The following WDR26 variants were observed in gnomAD, a reference collection of about 807,000 sequenced individuals.
WDR26 encodes the protein WD repeat domain 26, also known as WD repeat-containing protein 26.
A neutral mutation model predicts 84.1 loss-of-function variants in WDR26; 5 were observed. The ratio of observed to expected loss-of-function variants is 0.06; its 90% CI spans 0.03 to 0.13. The LOEUF (loss-of-function observed/expected upper bound fraction) is 0.13, where lower values mean the gene tolerates loss of function less well. Ranked by LOEUF, WDR26 falls within the 10% of genes least tolerant of loss-of-function variation. The pLI is 1.00. For synonymous variants in WDR26, 415 were observed against 389.6 expected (o/e 1.07, Z -0.77); for missense variants, 642 against 974.9 (o/e 0.66, Z 4.55).
At chr1:224,424,428 A>C in intron 4 of WDR26, 90 bp downstream of exon 4, 1 of 1,507,636 alleles carries the variant, frequency 6.6e-7, no homozygotes, top group East Asian at 2.3e-5. Flanking sequence ...AGAATTTAGC[A>C]ATAATCAAGA....
chr1:224,396,222 G>A (rs1389240085), intron 12 of WDR26, among the ~76,000 whole-genome samples: 1 of 152,074 alleles, frequency 6.6e-6, no homozygotes. Context: ...AGTATTCATC[G>A]TTGTTTCTAA....
chr1:224,424,452 A>G, intron 4 of WDR26, 66 bp downstream of exon 4: 2 of 1,568,968 alleles, frequency 1.3e-6, no homozygotes, highest in East Asian at 2.2e-5. Flanking sequence ...TATATTTTGG[A>G]AAAATGTTAA....
rs568623596 is a variant in WDR26 at position 224,424,291 on chromosome 1, C to T, written c.1064+227G>A. On this transcript the variant is annotated intron_variant, in intron 4 of 13. Coordinates refer to ENST00000414423, the MANE Select transcript of WDR26 (RefSeq NM_001379403.1). ...TAGAACATTCTAAAATAGCATTTCA[C>T]AGGCAATACATATTTTCTTCTCCCT... is the stretch of plus-strand genomic sequence containing the variant. Among the ~76,000 whole-genome samples, 56 of 152,292 alleles carry T rather than the reference C, an allele frequency of 3.7e-4. No individual in the cohort carries two copies. The South Asian group carries it at 5.6e-3, about 15-fold the overall frequency.
In WDR26 at chr1:224,389,697, C is replaced by A; in HGVS notation, c.*138G>T. 1.1e-6 allele frequency: 1 copy of A among 883,592 alleles called. No individual in the cohort carries two copies. Among genetic ancestry groups the A allele is most frequent in the Non-Finnish European group, 1.8e-6 (1 of 546,738 alleles). 54.7% of individuals were successfully genotyped at this position (883,592 alleles called of 1,614,324 possible). ...CAAGGTGTAAATGTTTGGCCCCAAT[C>A]GGGCTTCAGAAATGGTTCTTTTTTC... On this transcript the variant is annotated 3_prime_UTR_variant, in exon 14 of 14. Transcript: ENST00000414423.
At chr1:224,427,290 T>A (rs79819249) in intron 3 of WDR26, among the ~76,000 whole-genome samples, 9,473 of 151,876 alleles carry the variant, frequency 0.062, 410 homozygotes, top group Admixed American at 0.1. Flanking sequence ...TAAAAAAAAA[T>A]TTCAGGGCAA....
chr1:224,421,141 T>G (rs1199778101), intron 4 of WDR26, among the ~76,000 whole-genome samples: 1 of 152,170 alleles, frequency 6.6e-6, no homozygotes, highest in Non-Finnish European at 1.5e-5. Flanking sequence ...TGGGTTCTGA[T>G]CCCAGTTCCA....
At chr1:224,425,428 A>G (rs1674181357) in intron 3 of WDR26, among the ~76,000 whole-genome samples, 1 of 152,194 alleles carries the variant, frequency 6.6e-6, no homozygotes, top group South Asian at 2.1e-4. Context: ...AAGCACAGGA[A>G]ATTATTATTC....
Position 224,401,002 on chromosome 1 carries a change from G to C in WDR26, c.1667C>G (p.Pro556Arg). 1 of 1,614,054 alleles carries C rather than the reference G, an allele frequency of 6.2e-7. No homozygotes were observed. Among genetic ancestry groups the C allele is most frequent in the Non-Finnish European group, 8.5e-7 (1 of 1,179,988 alleles). ...TCCAGTCACAAAGCGCTTCCCATCT[G>C]GATTCCAAGCCACACTTGTCAAACT... The change falls in exon 9 of 14, where the codon CCA (proline) becomes CGA (arginine). Residue 556 changes from proline (P) to arginine (R), a missense_variant. Physicochemically the swap from Pro to Arg is moderately radical, Grantham distance 103 (BLOSUM62 -2). Coordinates refer to ENST00000414423, the MANE Select transcript of WDR26 (RefSeq NM_001379403.1).
In WDR26 at chr1:224,434,571, TC is replaced by T. The variant is rs541240514; in HGVS notation, c.-167del. Reference sequence around the variant, plus strand: ...GGGGAGAAGGAGGATCCGGGCCCTTTCCCCCCCCCCTCCCGGAGGCAGCTCG... The same window carrying T: ...GGGGAGAAGGAGGATCCGGGCCCTTTCCCCCCCCCTCCCGGAGGCAGCTCG... On this transcript the variant is annotated 5_prime_UTR_variant, in exon 1 of 14. Transcript: ENST00000414423. 0.012 allele frequency: 3,597 copies of T among 293,108 alleles called. No individual in the cohort carries two copies. The highest frequency in any genetic ancestry group is 0.016 in the Middle Eastern group (9 of 552). The allele number at this position is 293,108 out of a possible 1,614,324, so 18.2% of individuals were successfully genotyped here.
intron 8 of WDR26, among the ~76,000 whole-genome samples, chr1:224,401,552 T>G (rs1280461413): frequency 6.6e-6 from 1 of 151,080 alleles, no homozygotes; most frequent in African/African-American, 2.4e-5. Context: ...TGCATGCCTA[T>G]AATCCCAGCT....
chr1:224,427,114 A>G (rs1572213154), intron 3 of WDR26, among the ~76,000 whole-genome samples: 1 of 151,034 alleles, frequency 6.6e-6, no homozygotes, highest in Admixed American at 6.6e-5. Context: ...CAAAAAAAAA[A>G]AAAAAAAAAA....
chr1:224,426,787 T>TATAAC (rs1572212468), intron 3 of WDR26, among the ~76,000 whole-genome samples: 1 of 152,136 alleles, frequency 6.6e-6, no homozygotes, highest in East Asian at 1.9e-4. Context: ...TATTTTCATT[T>TATAAC]ATCAATATAA....
intron 4 of WDR26, among the ~76,000 whole-genome samples, chr1:224,419,884 C>CTATTA (rs148092124): frequency 6.6e-6 from 1 of 151,978 alleles, no homozygotes; most frequent in Non-Finnish European, 1.5e-5. Context: ...TGTGCAGGTT[C>CTATTA]TAGCACTCAA....
At position 224,429,269 on chromosome 1, in the gene WDR26, A is replaced by C. The variant is rs547387357; in HGVS notation, c.927+2208T>G. The C allele has an allele frequency of 2.8e-3, 424 of 152,578 alleles. 3 individuals are homozygous for C. Among genetic ancestry groups the C allele is most frequent in the Admixed American group, 7.8e-3 (120 of 15,294 alleles). 9.5% of individuals were successfully genotyped at this position (152,578 alleles called of 1,614,324 possible). A position where few individuals can be genotyped will look rare whatever the true frequency, so the allele number is the denominator to read the frequency against. On this transcript the variant is annotated intron_variant, in intron 3 of 13. Transcript: ENST00000414423. ...GAGCGAGACTCCATCTCAAAAAAAA[A>C]AAAACAAAACAAACAAACAGACAAA...
Position 224,393,894 on chromosome 1 carries a change from C to T in WDR26, c.2194G>A (p.Ala732Thr), listed in dbSNP as rs1673189654. The stretch of plus-strand genomic sequence containing the variant: ...ATTCTAACAGTGCCATCATCTGAGG[C>T]GCTGGCCATCATGGATGGAATCTGT... The change falls in exon 13 of 14, where the codon GCC (alanine) becomes ACC (threonine). Residue 732 changes from alanine to threonine, a missense_variant. Ala to Thr is a moderately conservative substitution (Grantham distance 58). This residue lies in a region of WDR26 where 351 missense variants were observed against 672.8 expected (regional missense o/e 0.52). Coordinates refer to ENST00000414423, the MANE Select transcript of WDR26 (RefSeq NM_001379403.1). 5 of 1,593,072 alleles carry T rather than the reference C, an allele frequency of 3.1e-6. No individual in the cohort carries two copies. Among genetic ancestry groups the T allele is most frequent in the South Asian group, 1.1e-5 (1 of 89,466 alleles).
At chr1:224,403,419 C>T (rs1279789187) in intron 8 of WDR26, among the ~76,000 whole-genome samples, 2 of 152,090 alleles carry the variant, frequency 1.3e-5, no homozygotes, top group Non-Finnish European at 2.9e-5. Context: ...GTTGAATTTA[C>T]AGTGGTGGGC....
intron 1 of WDR26, 106 bp from the exon 2 acceptor site, chr1:224,431,887 T>A: frequency 1.2e-6 from 1 of 852,446 alleles, no homozygotes; most frequent in Non-Finnish European, 1.6e-6. Context: ...TAAGCTAGCC[T>A]CATGATGAAG....
Position 224,385,216 on chromosome 1 carries a change from G to A in WDR26, c.*4619C>T, listed in dbSNP as rs1672954830. ...AACGACTGGTTAAGTGCTGCGCACT[G>A]ACATGGAAAAAGTGTCTTTAAAAAA... On this transcript the variant is annotated 3_prime_UTR_variant, in exon 14 of 14. Transcript: ENST00000414423. The A allele has an allele frequency of 6.6e-6, 1 of 152,158 alleles. No homozygotes were observed. Among genetic ancestry groups the A allele is most frequent in the Non-Finnish European group, 1.5e-5 (1 of 68,016 alleles). The allele number at this position is 152,158 out of a possible 1,614,324, so 9.4% of individuals were successfully genotyped here.
intron 12 of WDR26, 119 bp from the exon 13 acceptor site, chr1:224,394,132 A>T (rs1050290416): frequency 4.3e-6 from 3 of 700,058 alleles, no homozygotes; most frequent in African/African-American, 1.8e-5. Context: ...AAATAAATAT[A>T]CCATGAATAG....
Sources: allele counts gnomAD v4.1 joint callset (sites outside exome capture counted in the v4.1 genomes callset), GRCh38; gene constraint gnomAD v4.1.1; regional missense constraint gnomAD v4.1.1; transcripts MANE v1.5; gene names NCBI Gene and HGNC (gene_info 2026-07-23, HGNC 2026-07-21).